The following REEP3 variants were observed in gnomAD, a reference collection of about 807,000 sequenced individuals.
The protein encoded by REEP3 is receptor expression-enhancing protein 3.
Under a neutral mutation model 41.3 loss-of-function variants are expected in REEP3, and 20 were observed. The observed-to-expected ratio is 0.48, with a 90% CI of 0.34 to 0.70. The LOEUF (loss-of-function observed/expected upper bound fraction) is 0.70. REEP3 is among the 30% of genes least tolerant of loss of function. The pLI is 0.01. For synonymous variants in REEP3, 104 were observed against 101.8 expected, an observed-to-expected ratio of 1.02 and a Z score of -0.13; for missense variants, 271 against 308.8, an observed-to-expected ratio of 0.88 and a Z score of 0.92.
In REEP3 at chr10:63,599,167, CA is replaced by C. The variant is rs1956148459; in HGVS notation, c.304-2del. 6.7e-7 allele frequency: 1 copy of C among 1,497,974 alleles called. No individual in the cohort carries two copies. 92.8% of individuals were successfully genotyped at this position (1,497,974 alleles called of 1,614,324 possible). A position where few individuals can be genotyped will look rare whatever the true frequency, so the allele number is the denominator to read the frequency against. ...AACTAACATCTGTGGCTTTTTCCCC[CA>C]GGAGATTGATGATTATATTGTACAA... On this transcript the variant is annotated splice_acceptor_variant, in intron 4 of 7. Transcript: ENST00000373758. LOFTEE classifies it high-confidence loss of function.
At chr10:63,569,441 T>C (rs944286354) in intron 2 of REEP3, among the ~76,000 whole-genome samples, 4 of 150,374 alleles carry the variant, frequency 2.7e-5, no homozygotes, top group African/African-American at 9.8e-5. Context: ...TATATATTTG[T>C]GCTTACGGTA....
chr10:63,524,977 A>G (rs980192130), intron 1 of REEP3, among the ~76,000 whole-genome samples: 6 of 150,694 alleles, frequency 4.0e-5, no homozygotes, highest in African/African-American at 1.5e-4. Context: ...GTGCCACTGC[A>G]CTCCAGCCTG....
chr10:63,581,743 T>TA (rs397734356), intron 2 of REEP3, among the ~76,000 whole-genome samples: 11,773 of 142,588 alleles, frequency 0.083, 1,430 homozygotes, highest in African/African-American at 0.27. Flanking sequence ...ACCCTGTATT[T>TA]AAAAAAAAAA....
chr10:63,548,891 G>T (rs938034830), intron 1 of REEP3, among the ~76,000 whole-genome samples: 20 of 151,708 alleles, frequency 1.3e-4, no homozygotes, highest in African/African-American at 4.6e-4. Flanking sequence ...ATTGTATAAA[G>T]AATATACTAC....
intron 2 of REEP3, among the ~76,000 whole-genome samples, chr10:63,580,794 G>A (rs188383455): frequency 6.6e-6 from 1 of 152,264 alleles, no homozygotes; most frequent in African/African-American, 2.4e-5. Flanking sequence ...CAAGGCAGGA[G>A]GATCATTTGA....
intron 1 of REEP3, among the ~76,000 whole-genome samples, chr10:63,526,617 T>C (rs1955367063): frequency 6.6e-6 from 1 of 152,082 alleles, no homozygotes; most frequent in Admixed American, 6.5e-5. Context: ...ATATAACATA[T>C]CTCATTGTTT....
At chr10:63,537,202 A>G (rs1257706443) in intron 1 of REEP3, among the ~76,000 whole-genome samples, 2 of 152,214 alleles carry the variant, frequency 1.3e-5, no homozygotes, top group African/African-American at 2.4e-5. Flanking sequence ...AACTTGGATG[A>G]CCGTTAGGAA....
intron 1 of REEP3, 87 bp downstream of exon 1, chr10:63,521,664 C>T (rs1418772769): frequency 2.3e-5 from 23 of 1,014,974 alleles, no homozygotes; most frequent in Middle Eastern, 3.2e-4. Context: ...AAGGGAAGGC[C>T]TGGGCCTGGG....
At chr10:63,597,615 C>A (rs1956126878) in intron 3 of REEP3, among the ~76,000 whole-genome samples, 1 of 152,140 alleles carries the variant, frequency 6.6e-6, no homozygotes, top group Admixed American at 6.5e-5. Context: ...CTTTTACATT[C>A]AAAAACTTAG....
intron 4 of REEP3, among the ~76,000 whole-genome samples, chr10:63,598,645 G>A (rs1417046896): frequency 5.3e-5 from 8 of 151,630 alleles, no homozygotes; most frequent in South Asian, 2.1e-4. Context: ...TTAGCTGGGC[G>A]TGGTGGCGGG....
intron 1 of REEP3, among the ~76,000 whole-genome samples, chr10:63,525,492 T>C (rs1402521959): frequency 1.3e-5 from 2 of 152,120 alleles, no homozygotes; most frequent in Non-Finnish European, 2.9e-5. Flanking sequence ...AATCTTGGCT[T>C]ACTGCAATTT....
intron 1 of REEP3, among the ~76,000 whole-genome samples, chr10:63,530,287 CAAT>C (rs996285343): frequency 6.6e-6 from 1 of 152,064 alleles, no homozygotes; most frequent in African/African-American, 2.4e-5. Flanking sequence ...TGTAAAATCT[CAAT>C]GATAGCTAAA....
At chr10:63,608,993 G>A (rs1956254576) in intron 5 of REEP3, among the ~76,000 whole-genome samples, 1 of 152,190 alleles carries the variant, frequency 6.6e-6, no homozygotes, top group Admixed American at 6.5e-5. Flanking sequence ...AAAGTCAAAT[G>A]TAGAGTAGTA....
At chr10:63,557,285 G>C (rs12247907) in intron 1 of REEP3, among the ~76,000 whole-genome samples, 71,613 of 151,968 alleles carry the variant, frequency 0.47, 17,144 homozygotes, top group Middle Eastern at 0.55. Flanking sequence ...CCACCATACA[G>C]ATAGAATAGA....
intron 2 of REEP3, among the ~76,000 whole-genome samples, chr10:63,586,984 GTT>G (rs61633385): frequency 1.0e-3 from 143 of 142,474 alleles, no homozygotes; most frequent in African/African-American, 2.5e-3. Flanking sequence ...GTTTATGCAT[GTT>G]TTTTTTTTTT....
At chr10:63,590,510 A>C (rs1456317034) in intron 2 of REEP3, among the ~76,000 whole-genome samples, 1 of 124,878 alleles carries the variant, frequency 8.0e-6, no homozygotes, top group Non-Finnish European at 1.8e-5. Context: ...GTTCTCTGGG[A>C]TCAAGGAAAT....
intron 2 of REEP3, among the ~76,000 whole-genome samples, chr10:63,581,100 C>A (rs1047951545): frequency 2.6e-5 from 4 of 152,172 alleles, no homozygotes; most frequent in Non-Finnish European, 5.9e-5. Context: ...TATGCAATGA[C>A]ATTTCCCCTT....
At chr10:63,522,533 C>T (rs1234998495) in intron 1 of REEP3, among the ~76,000 whole-genome samples, 1 of 152,050 alleles carries the variant, frequency 6.6e-6, no homozygotes, top group Non-Finnish European at 1.5e-5. Context: ...CCTATGAATT[C>T]ATTATTCACC....
intron 2 of REEP3, among the ~76,000 whole-genome samples, chr10:63,589,785 C>CTTTTTTTTTTTTTTTTTTTTT (rs59658061): frequency 1.2e-5 from 1 of 80,820 alleles, no homozygotes; most frequent in Non-Finnish European, 2.3e-5. Context: ...AGCAGAACAT[C>CTTTTTTTTTTTTTTTTTTTTT]TTTTTTTTTT....
Sources: gnomAD v4.1 joint callset for allele counts (sites outside exome capture counted in the v4.1 genomes callset) on GRCh38, gnomAD v4.1.1 for gene constraint, MANE v1.5 for transcripts, NCBI Gene and HGNC (gene_info 2026-07-23, HGNC 2026-07-21) for gene names.